Variants in CDK6 observed in about 807,000 individuals in gnomAD.
The protein encoded by CDK6 is cyclin-dependent kinase 6.
CDK6 carries 6 observed loss-of-function variants against 37.1 expected under a neutral mutation model. That is an observed-to-expected ratio of 0.16 (90% CI 0.09 to 0.32). The LOEUF (loss-of-function observed/expected upper bound fraction) is 0.32. Among genes scored for constraint, CDK6 ranks in the 10% least tolerant of loss-of-function variants. The probability of loss-of-function intolerance (pLI) is 1.00; values close to 1 mark genes in which losing one functional copy is unlikely to be tolerated. For missense variants in CDK6, 224 were observed against 418.9 expected (o/e 0.53, Z 4.06); for synonymous variants, 160 against 161.3 (o/e 0.99, Z 0.06).
Position 92,608,688 on chromosome 7 carries a change from A to ACACCCG in CDK6, c.*6446_*6451dup, listed in dbSNP as rs1205682495. 4.3e-6 allele frequency: 1 copy of ACACCCG among 231,258 alleles called. No homozygotes were observed. Among genetic ancestry groups the ACACCCG allele is most frequent in the African/African-American group, 2.2e-5 (1 of 45,208 alleles). The allele number at this position is 231,258 out of a possible 1,614,324, so 14.3% of individuals were successfully genotyped here. On this transcript the variant is annotated 3_prime_UTR_variant, in exon 8 of 8. Coordinates refer to ENST00000424848, the MANE Select transcript of CDK6 (RefSeq NM_001145306.2). Reference sequence around the variant, plus strand: ...TGTTGTACTTATTTATGCACAGAAGACACCCGTTTGCTACTAGGGACATTT... The same window carrying ACACCCG: ...TGTTGTACTTATTTATGCACAGAAGACACCCGCACCCGTTTGCTACTAGGGACATTT...
intron 5 of CDK6, among the ~76,000 whole-genome samples, chr7:92,625,377 A>G (rs1795902685): frequency 6.6e-6 from 1 of 152,036 alleles, no homozygotes; most frequent in Admixed American, 6.6e-5. Context: ...ATTTAAGTCT[A>G]ACAGTCTTTC....
chr7:92,682,722 G>A (rs761536355), intron 4 of CDK6, among the ~76,000 whole-genome samples: 46 of 152,370 alleles, frequency 3.0e-4, no homozygotes, highest in Non-Finnish European at 5.6e-4. Context: ...GGGCAGGACA[G>A]AGTGTTTCTA....
intron 5 of CDK6, among the ~76,000 whole-genome samples, chr7:92,659,959 C>T (rs968009262): frequency 2.6e-5 from 4 of 152,050 alleles, no homozygotes; most frequent in South Asian, 2.1e-4. Context: ...CAAGAAGGGC[C>T]GAGAAATCTC....
At position 92,646,264 on chromosome 7, in the gene CDK6, C is replaced by A. The variant is rs898665609; in HGVS notation, c.648-23178G>T. Among the ~76,000 whole-genome samples, 16 of 152,306 alleles carry A rather than the reference C, an allele frequency of 1.1e-4. No homozygotes were observed. The East Asian group carries it at 1.7e-3, about 17-fold the overall frequency. On this transcript the variant is annotated intron_variant, in intron 5 of 7. Coordinates refer to ENST00000424848, the MANE Select transcript of CDK6 (RefSeq NM_001145306.2). ...GATACTGTTTGCTAATTATTACATG[C>A]TAACACATCATGCACATTTTTATTT... is the stretch of plus-strand genomic sequence containing the variant.
chr7:92,802,901 G>A lies in CDK6; in HGVS notation c.234-28070C>T, dbSNP rs181110480. 6.6e-5 allele frequency among the ~76,000 whole-genome samples: 10 copies of A among 152,180 alleles called. No homozygotes were observed. The East Asian group carries it at 1.7e-3, about 26-fold the overall frequency. On this transcript the variant is annotated intron_variant, in intron 2 of 7. Transcript: ENST00000424848. Reference sequence around the variant, plus strand: ...ATACTAATCATATCCCTCCATTTGTGACAACCAAAAATATCTGGAAATGTT... The same window carrying A: ...ATACTAATCATATCCCTCCATTTGTAACAACCAAAAATATCTGGAAATGTT...
chr7:92,719,815 G>A (rs1798324985), intron 4 of CDK6, among the ~76,000 whole-genome samples: 1 of 152,184 alleles, frequency 6.6e-6, no homozygotes, highest in Admixed American at 6.5e-5. Context: ...TATGATGGCT[G>A]TCCTGGGGAG....
At chr7:92,615,307 AT>A (rs1937219985) in intron 7 of CDK6, 21 bp from the exon 8 acceptor site, 1 of 1,573,242 alleles carries the variant, frequency 6.4e-7, no homozygotes, top group African/African-American at 1.4e-5. Context: ...GAAAAAAATA[AT>A]TGGTTGATAT....
chr7:92,792,291 G>A (rs1800304357), intron 2 of CDK6, among the ~76,000 whole-genome samples: 2 of 152,058 alleles, frequency 1.3e-5, no homozygotes, highest in Admixed American at 1.3e-4. Flanking sequence ...GTTAAACAAA[G>A]TTGAATCATG....
At chr7:92,807,176 C>G (rs1800747434) in intron 2 of CDK6, among the ~76,000 whole-genome samples, 1 of 152,084 alleles carries the variant, frequency 6.6e-6, no homozygotes, top group African/African-American at 2.4e-5. Context: ...AATTTTTACC[C>G]TTCCATGATA....
chr7:92,819,152 T>C (rs982283898), intron 2 of CDK6, among the ~76,000 whole-genome samples: 18 of 151,936 alleles, frequency 1.2e-4, no homozygotes, highest in African/African-American at 4.4e-4. Context: ...AGCCCTAAAC[T>C]GGAAACAACA....
intron 3 of CDK6, among the ~76,000 whole-genome samples, chr7:92,728,181 T>C (rs1355808018): frequency 6.6e-6 from 1 of 152,228 alleles, no homozygotes; most frequent in African/African-American, 2.4e-5. Flanking sequence ...TATAGATGCA[T>C]GCTTAATGCA....
chr7:92,772,167 TAATAAGGAAGGAAAG>T (rs1254653300), intron 3 of CDK6, among the ~76,000 whole-genome samples: 3 of 152,176 alleles, frequency 2.0e-5, no homozygotes, highest in Admixed American at 2.0e-4. Context: ...ACCTTATATT[TAATAAGGAAGGAAAG>T]TAGGTTAGTA....
At chr7:92,675,213 G>C (rs1450914426) in intron 4 of CDK6, among the ~76,000 whole-genome samples, 1 of 152,172 alleles carries the variant, frequency 6.6e-6, no homozygotes, top group East Asian at 1.9e-4. Context: ...ACTTCAGTCA[G>C]TTATACCTAT....
rs1795397004 is a variant in CDK6 at position 92,605,101 on chromosome 7, C to A, written c.*10039G>T. 1.7e-5 allele frequency: 4 copies of A among 231,678 alleles called. No homozygotes were observed. Among genetic ancestry groups the A allele is most frequent in the Non-Finnish European group, 3.4e-5 (4 of 117,108 alleles). The allele number at this position is 231,678 out of a possible 1,614,324, so 14.4% of individuals were successfully genotyped here. The stretch of plus-strand genomic sequence containing the variant: ...ATTGTAAGAAATACAAAAGGTATTA[C>A]AAATATACAAACTATTTGCTCTTTT... On this transcript the variant is annotated 3_prime_UTR_variant, in exon 8 of 8. Transcript: ENST00000424848.
intron 5 of CDK6, among the ~76,000 whole-genome samples, chr7:92,629,602 A>G (rs1273730202): frequency 6.6e-6 from 1 of 152,142 alleles, no homozygotes. Context: ...TTGAGATGAA[A>G]AAGTCATTTC....
At chr7:92,691,554 C>G (rs894254374) in intron 4 of CDK6, among the ~76,000 whole-genome samples, 1 of 151,986 alleles carries the variant, frequency 6.6e-6, no homozygotes, top group Non-Finnish European at 1.5e-5. Context: ...GATTTTTGGG[C>G]AATTTTATTA....
At chr7:92,690,989 T>A (rs537357982) in intron 4 of CDK6, among the ~76,000 whole-genome samples, 1 of 152,332 alleles carries the variant, frequency 6.6e-6, no homozygotes, top group South Asian at 2.1e-4. Flanking sequence ...ATGCTCACAT[T>A]CAGGTAGTGG....
chr7:92,787,185 CAAAAAAAAAAAA>C (rs761038672), intron 2 of CDK6, among the ~76,000 whole-genome samples: 29 of 35,462 alleles, frequency 8.2e-4, no homozygotes, highest in Admixed American at 6.2e-3. Flanking sequence ...GACTCCATCA[CAAAAAAAAAAAA>C]AAAAAAAAAA....
chr7:92,771,054 T>C (rs1396014533), intron 3 of CDK6, among the ~76,000 whole-genome samples: 3 of 151,998 alleles, frequency 2.0e-5, no homozygotes, highest in East Asian at 3.9e-4. Context: ...CTGACTAACA[T>C]GGTGAAACCC....
Sources: allele counts gnomAD v4.1 joint callset (sites outside exome capture counted in the v4.1 genomes callset), GRCh38; gene constraint gnomAD v4.1.1; transcripts MANE v1.5; gene names NCBI Gene and HGNC (gene_info 2026-07-23, HGNC 2026-07-21).